SUPT5H: variants seen among roughly 807,000 people sequenced by gnomAD.
The protein encoded by SUPT5H is transcription elongation factor SPT5.
In SUPT5H, 24 loss-of-function variants were observed where a neutral mutation model predicts 142.5. The observed-to-expected ratio is 0.17, with a 90% CI of 0.12 to 0.24. SUPT5H has a LOEUF of 0.24. Among genes scored for constraint, SUPT5H ranks in the 10% least tolerant of loss-of-function variants. The pLI is 1.00. For missense variants in SUPT5H, 893 were observed against 1,471.8 expected (o/e 0.61, Z 6.43); for synonymous variants, 546 against 553.0 (o/e 0.99, Z 0.18).
intron 10 of SUPT5H, among the ~76,000 whole-genome samples, chr19:39,464,125 A>C (rs1455508844): frequency 6.6e-6 from 1 of 151,792 alleles, no homozygotes; most frequent in East Asian, 1.9e-4. Context: ...CTGGGATGAC[A>C]GGCATGTGCC....
chr19:39,456,187 G>A (rs10424217), intron 3 of SUPT5H, among the ~76,000 whole-genome samples: 76,419 of 151,022 alleles, frequency 0.51, 19,554 homozygotes, highest in Middle Eastern at 0.65. Context: ...AAAGTGCGGG[G>A]ATTATAAGCA....
rs756763360 is a variant in SUPT5H at position 39,476,189 on chromosome 19, G to A, written c.3120+13G>A. On this transcript the variant is annotated intron_variant, in intron 29 of 29. Coordinates refer to ENST00000432763, the MANE Select transcript of SUPT5H (RefSeq NM_001111020.3). ...CAAGAACAACAAGGTAAGGGCAGGG[G>A]GCAAGGAGATAAGATGGGGCCGTTG... 2 of 1,614,012 alleles carry A rather than the reference G, an allele frequency of 1.2e-6. No homozygotes were observed. Among genetic ancestry groups the A allele is most frequent in the Non-Finnish European group, 8.5e-7 (1 of 1,180,020 alleles).
chr19:39,462,870 C>T (rs527320125), intron 10 of SUPT5H, among the ~76,000 whole-genome samples: 111 of 136,192 alleles, frequency 8.2e-4, no homozygotes, highest in Admixed American at 2.6e-3. Context: ...GACAGAGTCT[C>T]GCACCGTTGC....
At position 39,466,599 on chromosome 19, in the gene SUPT5H, G is replaced by C. The variant is rs201574398; in HGVS notation, c.966+30G>C. The C allele has an allele frequency of 1.2e-6, 2 of 1,613,012 alleles. No individual in the cohort carries two copies. The highest frequency in any genetic ancestry group is 1.3e-5 in the African/African-American group (1 of 75,006). The stretch of plus-strand genomic sequence containing the variant: ...TCAGGGGAATCTGTGGCCTGGGGGG[G>C]AGGGAGTGTGCTCGATCCCACTGGT... On this transcript the variant is annotated intron_variant, in intron 12 of 29. Transcript: ENST00000432763. This position sits in a 1 kb window ranked among gnomAD's most constrained non-coding sequence, Gnocchi z 4.3.
At position 39,469,805 on chromosome 19, in the gene SUPT5H, G is replaced by A. The variant is rs1357780193; in HGVS notation, c.1375-314G>A. 2.1e-6 allele frequency: 1 copy of A among 474,286 alleles called. No individual in the cohort carries two copies. The highest frequency in any genetic ancestry group is 4.0e-5 in the East Asian group (1 of 25,058). 29.4% of individuals were successfully genotyped at this position (474,286 alleles called of 1,614,324 possible). On this transcript the variant is annotated intron_variant, in intron 16 of 29. Coordinates refer to ENST00000432763, the MANE Select transcript of SUPT5H (RefSeq NM_001111020.3). This position sits in a 1 kb window ranked among gnomAD's most constrained non-coding sequence, Gnocchi z 5.1. ...ATGTGTGGGGTGAGGCTGTCTCCGG[G>A]TGGGGCTGAGGAGCTGTCCAGTCGG...
At position 39,453,285 on chromosome 19, in the gene SUPT5H, G is replaced by A; in HGVS notation, c.76-71G>A. 1.3e-5 allele frequency: 19 copies of A among 1,518,516 alleles called. No individual in the cohort carries two copies. The South Asian group carries it at 1.8e-4, about 15-fold the overall frequency. 94.1% of individuals were successfully genotyped at this position (1,518,516 alleles called of 1,614,324 possible). ...AGGCCAATCTGAGGTCAGATTTAGG[G>A]TGAGGAACTTGGTTTTTGGATTTTT... On this transcript the variant is annotated intron_variant, in intron 2 of 29. Transcript: ENST00000432763.
At chr19:39,459,991 GA>G in intron 10 of SUPT5H, 31 bp downstream of exon 10, 1 of 1,611,232 alleles carries the variant, frequency 6.2e-7, no homozygotes. Flanking sequence ...GCTTGGTGGG[GA>G]GACATGGCAA....
intron 3 of SUPT5H, among the ~76,000 whole-genome samples, chr19:39,455,215 C>CTT (rs993500241): frequency 3.3e-5 from 5 of 151,972 alleles, no homozygotes; most frequent in African/African-American, 7.3e-5. Context: ...TGGGAGAGCT[C>CTT]TGAGTTAGTA....
In SUPT5H at chr19:39,466,662, C is replaced by T. The variant is rs756161708; in HGVS notation, c.967-13C>T. ...TCCCTCACCCTTCCCACCCATGCCC[C>T]TTTCCTCCATAGAAAGACTGGTTTG... On this transcript the variant is annotated splice_polypyrimidine_tract_variant and intron_variant, in intron 12 of 29. Transcript: ENST00000432763. The surrounding 1 kb of genome is among the most constrained non-coding windows in gnomAD (Gnocchi z 4.3). 29 of 1,614,204 alleles carry T rather than the reference C, an allele frequency of 1.8e-5. No individual in the cohort carries two copies. Among genetic ancestry groups the T allele is most frequent in the Non-Finnish European group, 2.5e-5 (29 of 1,180,032 alleles).
Position 39,445,648 on chromosome 19 carries a change from G to A in SUPT5H, c.-88+11G>A, listed in dbSNP as rs1172664854. ...GGTGGAGCCCGAGAGGTAAGTGCGT[G>A]TGCAGAGGTGGCAGTTCCGGGCGCC... is the stretch of plus-strand genomic sequence containing the variant. On this transcript the variant is annotated intron_variant, in intron 1 of 29. Transcript: ENST00000432763. 1.1e-5 allele frequency: 6 copies of A among 555,716 alleles called. No homozygotes were observed. Among genetic ancestry groups the A allele is most frequent in the East Asian group, 8.8e-5 (3 of 33,932 alleles). The allele number at this position is 555,716 out of a possible 1,614,324, so 34.4% of individuals were successfully genotyped here.
intron 3 of SUPT5H, among the ~76,000 whole-genome samples, chr19:39,453,868 T>C (rs2079052227): frequency 6.6e-6 from 1 of 152,184 alleles, no homozygotes; most frequent in South Asian, 2.1e-4. Context: ...GTTCTTAACT[T>C]TTCTCGTGCT....
chr19:39,473,111 C>G lies in SUPT5H; in HGVS notation c.2255C>G (p.Thr752Arg). The G allele has an allele frequency of 6.2e-7, 1 of 1,612,978 alleles. No individual in the cohort carries two copies. The highest frequency in any genetic ancestry group is 1.1e-5 in the South Asian group (1 of 91,048). The change falls in exon 23 of 30, where the codon ACG becomes AGG. Residue 752 changes from threonine to arginine, a missense_variant. Coordinates refer to ENST00000432763, the MANE Select transcript of SUPT5H (RefSeq NM_001111020.3). The surrounding 1 kb of genome is among the most constrained non-coding windows in gnomAD (Gnocchi z 5.8). ...TISVDRQRLT[T>R]VGSRRPGGMT... ...TCTGTGGACCGTCAGCGGCTCACCACGGTGTACGGGCGGGGCCTGGGGAGG... is the reference window on the plus strand; with the variant it reads ...TCTGTGGACCGTCAGCGGCTCACCAGGGTGTACGGGCGGGGCCTGGGGAGG...
In SUPT5H at chr19:39,466,541, A is replaced by G; in HGVS notation, c.938A>G (p.Tyr313Cys). 6.2e-7 allele frequency: 1 copy of G among 1,614,162 alleles called. No homozygotes were observed. The highest frequency in any genetic ancestry group is 8.5e-7 in the Non-Finnish European group (1 of 1,180,032). The change falls in exon 12 of 30, where the codon TAC (tyrosine) becomes TGC (cysteine). Residue 313 changes from tyrosine (Y) to cysteine (C), a missense_variant. By Grantham distance (194) the Tyr-to-Cys change is radical (BLOSUM62 -2). Coordinates refer to ENST00000432763, the MANE Select transcript of SUPT5H (RefSeq NM_001111020.3). This position sits in a 1 kb window ranked among gnomAD's most constrained non-coding sequence, Gnocchi z 4.3. ...CTGAAGATGATCCCACGCATCGACT[A>G]CGATCGCATCAAGGCCCGCATGAGC... ...ISLKMIPRID[Y>C]DRIKARMSLK... is the part of the protein sequence containing the mutation.
intron 10 of SUPT5H, among the ~76,000 whole-genome samples, chr19:39,464,237 G>A (rs1454508583): frequency 6.6e-6 from 1 of 151,948 alleles, no homozygotes; most frequent in East Asian, 1.9e-4. Flanking sequence ...CACCCGCCTC[G>A]GCCTCCCAAA....
chr19:39,453,357 T>A lies in SUPT5H; in HGVS notation c.77T>A (p.Val26Glu). The A allele has an allele frequency of 6.2e-7, 1 of 1,601,564 alleles. No individual in the cohort carries two copies. The highest frequency in any genetic ancestry group is 8.5e-7 in the Non-Finnish European group (1 of 1,173,684). ...TACAACCCTGCCTGACCCCTGTAGG[T>A]AGACGAAGAGCGGCGGAGTGCAGCG... ...ERSSDGEEAE[V>E]DEERRSAAGS... The change falls in exon 3 of 30, where the codon GTA becomes GAA. Residue 26 changes from valine (V) to glutamate (E), a missense_variant and splice_region_variant. Transcript: ENST00000432763.
intron 28 of SUPT5H, chr19:39,475,146 G>A (rs984218919): frequency 4.5e-5 from 8 of 176,748 alleles, no homozygotes; most frequent in South Asian, 3.3e-4. Flanking sequence ...CTGGGAGGCC[G>A]AGGTGGGCAG....
At chr19:39,476,227 G>A in intron 29 of SUPT5H, 29 bp from the exon 30 acceptor site, 4 of 1,614,062 alleles carry the variant, frequency 2.5e-6, no homozygotes, top group Non-Finnish European at 2.5e-6. Flanking sequence ...TGCTGACATG[G>A]ACCCTGACCA....
intron 3 of SUPT5H, among the ~76,000 whole-genome samples, chr19:39,455,673 G>C (rs2079078559): frequency 6.6e-6 from 1 of 150,616 alleles, no homozygotes; most frequent in Non-Finnish European, 1.5e-5. Context: ...CCCAGGCTGG[G>C]GTGCAGTGGT....
At position 39,469,432 on chromosome 19, in the gene SUPT5H, G is replaced by A. The variant is rs2079287760; in HGVS notation, c.1374+34G>A. ...CCGGTGTTCTCGGGCAGGGGTTGGAGTGTTCAGGCACATCTGACTGTATGT... is the reference window on the plus strand; with the variant it reads ...CCGGTGTTCTCGGGCAGGGGTTGGAATGTTCAGGCACATCTGACTGTATGT... On this transcript the variant is annotated intron_variant, in intron 16 of 29. Coordinates refer to ENST00000432763, the MANE Select transcript of SUPT5H (RefSeq NM_001111020.3). The surrounding 1 kb of genome is among the most constrained non-coding windows in gnomAD (Gnocchi z 5.1). The A allele has an allele frequency of 6.2e-7, 1 of 1,614,026 alleles. No individual in the cohort carries two copies. Among genetic ancestry groups the A allele is most frequent in the Non-Finnish European group, 8.5e-7 (1 of 1,180,002 alleles).
Sources: allele counts gnomAD v4.1 joint callset (sites outside exome capture counted in the v4.1 genomes callset), GRCh38; gene constraint gnomAD v4.1.1; non-coding constraint Gnocchi (gnomAD v3.1); transcripts MANE v1.5; gene names NCBI Gene and HGNC (gene_info 2026-07-23, HGNC 2026-07-21).